The following CELF2 variants were observed in gnomAD, a reference collection of about 807,000 sequenced individuals.
The protein encoded by CELF2 is CUG triplet repeat RNA-binding protein 2.
A neutral mutation model predicts 62.6 loss-of-function variants in CELF2; 8 were observed. That is an observed-to-expected ratio of 0.13 (90% CI 0.07 to 0.23). CELF2 has a LOEUF of 0.23. Among genes scored for constraint, CELF2 ranks in the 10% least tolerant of loss-of-function variants. The pLI, the probability that CELF2 is intolerant of heterozygous loss-of-function variation, is 1.00. For missense variants in CELF2, 333 were observed against 671.0 expected (o/e 0.50, Z 5.56); for synonymous variants, 258 against 250.0 (o/e 1.03, Z -0.30).
chr10:10,585,242 A>G, the CELF2 span, among the ~76,000 whole-genome samples: 1 of 152,198 alleles, frequency 6.6e-6, no homozygotes, highest in African/African-American at 2.4e-5. Flanking sequence ...TTGCCAAACC[A>G]TAAATCCCTG....
At chr10:10,502,355 T>C in the CELF2 span, among the ~76,000 whole-genome samples, 1 of 151,934 alleles carries the variant, frequency 6.6e-6, no homozygotes, top group East Asian at 1.9e-4. Context: ...ATTAGATATT[T>C]AGTCTTGGTA....
intron 3 of CELF2, among the ~76,000 whole-genome samples, chr10:11,218,037 A>G (rs1270701685): frequency 6.6e-6 from 1 of 152,232 alleles, no homozygotes; most frequent in East Asian, 1.9e-4. Context: ...GACAGAAAAT[A>G]CAAAGCTTAC....
At chr10:10,661,887 G>A in the CELF2 span, among the ~76,000 whole-genome samples, 1 of 152,180 alleles carries the variant, frequency 6.6e-6, no homozygotes. Context: ...AAGTTCTAGA[G>A]CATCTCATCT....
rs144963532 is a variant in CELF2 at position 11,157,862 on chromosome 10, G to C, written c.75-7624G>C. Among the ~76,000 whole-genome samples, 9 of 152,346 alleles carry C rather than the reference G, an allele frequency of 5.9e-5. No individual in the cohort carries two copies. The highest frequency in any genetic ancestry group is 2.2e-4 in the African/African-American group (9 of 41,576). Reference sequence around the variant, plus strand: ...AATAAGTCCAGGCAAAGTATCTTCAGTGGTGAAAACAGAAGTTACCTGCCT... The same window carrying C: ...AATAAGTCCAGGCAAAGTATCTTCACTGGTGAAAACAGAAGTTACCTGCCT... On this transcript the variant is annotated intron_variant, in intron 1 of 12. Transcript: ENST00000633077. This position sits in a 1 kb window ranked among gnomAD's most constrained non-coding sequence, Gnocchi z 4.9.
At chr10:10,798,062 A>G (rs527698211), upstream of CELF2, among the ~76,000 whole-genome samples, 3 of 152,250 alleles carry the variant, frequency 2.0e-5, no homozygotes, top group Admixed American at 6.5e-5. Context: ...CCTTCATGTT[A>G]TTTAAAAACA....
rs200726025 is a variant in CELF2, at chr10:10,943,864, AG to A, written c.89+23866del. Among the ~76,000 whole-genome samples, 764 of 151,882 alleles carry A rather than the reference AG, an allele frequency of 5.0e-3. 10 individuals carry two copies. Among genetic ancestry groups the A allele is most frequent in the African/African-American group, 0.015 (619 of 41,394 alleles). ...TGATCTGCTTGCCTCAGCCTCCCTAAGTGCTGAGATTACAGGCATGAGCCAC... is the reference window on the plus strand; with the variant it reads ...TGATCTGCTTGCCTCAGCCTCCCTAATGCTGAGATTACAGGCATGAGCCAC... On this transcript the variant is annotated intron_variant, in intron 2 of 13. Coordinates refer to the CELF2 transcript ENST00000636488.
chr10:10,837,923 G>A (rs1332060517), intron 1 of CELF2, among the ~76,000 whole-genome samples: 2 of 152,114 alleles, frequency 1.3e-5, no homozygotes, highest in Non-Finnish European at 2.9e-5. Context: ...AATATCTTGT[G>A]TTAGTATGGT....
At chr10:10,780,289 A>C in the CELF2 span, among the ~76,000 whole-genome samples, 2 of 152,132 alleles carry the variant, frequency 1.3e-5, 1 homozygote. Flanking sequence ...GCATATGACT[A>C]TCTGGCAAGA....
the CELF2 span, among the ~76,000 whole-genome samples, chr10:10,762,931 T>A: frequency 1.3e-5 from 2 of 152,148 alleles, no homozygotes; most frequent in South Asian, 4.1e-4. Context: ...AGAGCAAGAC[T>A]CTGTCTCTAA....
rs1326660086 is a variant in CELF2, at chr10:11,297,971, A to G, written c.976+9419A>G. 6.6e-6 allele frequency among the ~76,000 whole-genome samples: 1 copy of G among 152,264 alleles called. No homozygotes were observed. Among genetic ancestry groups the G allele is most frequent in the Non-Finnish European group, 1.5e-5 (1 of 68,038 alleles). On this transcript the variant is annotated intron_variant, in intron 9 of 12. Transcript: ENST00000633077. The surrounding 1 kb of genome is among the most constrained non-coding windows in gnomAD (Gnocchi z 4.4). ...CACTCCAGCCCAGGTGACAAGAGCA[A>G]GGCTCTATCTTAAAAAACAAAAGAA...
At chr10:10,546,474 G>A in the CELF2 span, among the ~76,000 whole-genome samples, 1 of 152,158 alleles carries the variant, frequency 6.6e-6, no homozygotes, top group African/African-American at 2.4e-5. Flanking sequence ...GGGACAGTCA[G>A]GTAGATGAAA....
intron 1 of CELF2, among the ~76,000 whole-genome samples, chr10:11,105,785 A>T (rs916784118): frequency 4.6e-5 from 7 of 152,164 alleles, no homozygotes; most frequent in Non-Finnish European, 1.0e-4. Flanking sequence ...TTCCCGCTGC[A>T]TGTCCACAGA....
In CELF2 at chr10:11,267,541, G is replaced by T. The variant is rs957490299; in HGVS notation, c.618+864G>T. ...TCTTTGTGTATGGGTGATCTTTTCCGGAGGTGGCCTTGTGGTGTTATCTGA... is the reference window on the plus strand; with the variant it reads ...TCTTTGTGTATGGGTGATCTTTTCCTGAGGTGGCCTTGTGGTGTTATCTGA... On this transcript the variant is annotated intron_variant, in intron 6 of 12. Transcript: ENST00000633077. This position sits in a 1 kb window ranked among gnomAD's most constrained non-coding sequence, Gnocchi z 4.4. Among the ~76,000 whole-genome samples, 1 of 152,146 alleles carries T rather than the reference G, an allele frequency of 6.6e-6. No individual in the cohort carries two copies. The highest frequency in any genetic ancestry group is 2.4e-5 in the African/African-American group (1 of 41,434).
At chr10:11,200,593 A>G (rs377433431) in intron 2 of CELF2, among the ~76,000 whole-genome samples, 1 of 152,208 alleles carries the variant, frequency 6.6e-6, no homozygotes, top group Admixed American at 6.5e-5. Context: ...ACCCAGGAAC[A>G]TGGTGCAGGG....
At chr10:10,502,323 G>A in the CELF2 span, among the ~76,000 whole-genome samples, 1 of 151,968 alleles carries the variant, frequency 6.6e-6, no homozygotes, top group Non-Finnish European at 1.5e-5. Flanking sequence ...AAGAGATTGT[G>A]TAGAATTGGT....
chr10:10,866,607 C>CAAAA (rs55875778), intron 1 of CELF2, among the ~76,000 whole-genome samples: 4 of 52,510 alleles, frequency 7.6e-5, no homozygotes, highest in African/African-American at 8.6e-5. Flanking sequence ...TCCATCCTCT[C>CAAAA]AAAAAAAAAA....
rs2049026521 is a variant in CELF2 at position 10,957,461 on chromosome 10, A to G, written c.89+37462A>G. 6.6e-6 allele frequency among the ~76,000 whole-genome samples: 1 copy of G among 152,138 alleles called. No homozygotes were observed. The highest frequency in any genetic ancestry group is 2.4e-5 in the African/African-American group (1 of 41,434). On this transcript the variant is annotated intron_variant, in intron 2 of 13. Transcript: ENST00000636488. This position sits in a 1 kb window ranked among gnomAD's most constrained non-coding sequence, Gnocchi z 4.1. ...AGGCAATGTGAGCTAAGGCCAGAAGAAACCCTACTGGAATTAACCAGGATC... is the reference window on the plus strand; with the variant it reads ...AGGCAATGTGAGCTAAGGCCAGAAGGAACCCTACTGGAATTAACCAGGATC...
At position 11,316,850 on chromosome 10, in the gene CELF2, T is replaced by C. The variant is rs934708149; in HGVS notation, c.1096+2592T>C. The C allele has an allele frequency of 6.6e-6, 1 of 152,216 alleles. No homozygotes were observed. The highest frequency in any genetic ancestry group is 6.5e-5 in the Admixed American group (1 of 15,284). 9.4% of individuals were successfully genotyped at this position (152,216 alleles called of 1,614,324 possible). ...TTAAACTGTTTGAGTTTGATATCCT[T>C]TTTATTCCCTGATACATTAATGAGT... On this transcript the variant is annotated intron_variant, in intron 10 of 12. Transcript: ENST00000633077. This position sits in a 1 kb window ranked among gnomAD's most constrained non-coding sequence, Gnocchi z 4.4.
intron 2 of CELF2, among the ~76,000 whole-genome samples, chr10:10,973,905 G>C (rs529829603): frequency 6.6e-6 from 1 of 152,254 alleles, no homozygotes; most frequent in African/African-American, 2.4e-5. Flanking sequence ...CCAGGGTCCT[G>C]CTGCCTTGCT....
Sources: allele counts gnomAD v4.1 joint callset (sites outside exome capture counted in the v4.1 genomes callset), GRCh38; gene constraint gnomAD v4.1.1; non-coding constraint Gnocchi (gnomAD v3.1); transcripts MANE v1.5; gene names NCBI Gene and HGNC (gene_info 2026-07-23, HGNC 2026-07-21).